The following KIF26B variants were observed in gnomAD, a reference collection of about 807,000 sequenced individuals.
KIF26B encodes kinesin family member 26B, also known as kinesin-like protein KIF26B.
A neutral mutation model predicts 151.2 loss-of-function variants in KIF26B; 63 were observed. The ratio of observed to expected loss-of-function variants is 0.42; its 90% CI spans 0.34 to 0.51. The LOEUF (loss-of-function observed/expected upper bound fraction) is 0.51. Ranked by LOEUF, KIF26B falls within the 20% of genes least tolerant of loss-of-function variation. KIF26B has a pLI of 0.07. For synonymous variants in KIF26B, 1,357 were observed against 1,262.1 expected (o/e 1.08, Z -1.59); for missense variants, 2,813 against 2,913.6 (o/e 0.97, Z 0.79).
chr1:245,595,938 G>A (rs1454501187), intron 5 of KIF26B, among the ~76,000 whole-genome samples: 1 of 152,190 alleles, frequency 6.6e-6, no homozygotes, highest in Non-Finnish European at 1.5e-5. Flanking sequence ...AGATTTTGTA[G>A]TTTATTTGCA....
At chr1:245,590,843 G>C (rs1250622149) in intron 5 of KIF26B, among the ~76,000 whole-genome samples, 2 of 151,326 alleles carry the variant, frequency 1.3e-5, no homozygotes, top group South Asian at 2.1e-4. Flanking sequence ...GGGAGGCAGC[G>C]GTTGCAGTGA....
At chr1:245,596,355 T>C (rs2043336126) in intron 5 of KIF26B, among the ~76,000 whole-genome samples, 1 of 152,244 alleles carries the variant, frequency 6.6e-6, no homozygotes, top group African/African-American at 2.4e-5. Context: ...TCTGGTATGT[T>C]GTGTCTTTGT....
intron 2 of KIF26B, among the ~76,000 whole-genome samples, chr1:245,289,111 C>T (rs749177918): frequency 6.1e-4 from 93 of 152,228 alleles, no homozygotes; most frequent in Non-Finnish European, 1.1e-3. Flanking sequence ...CAGTAGGTAT[C>T]TCAGTAACAA....
rs1360752308 is a variant in KIF26B at position 245,667,802 on chromosome 1, C to T, written c.2259-16431C>T. Among the ~76,000 whole-genome samples, 1 of 152,198 alleles carries T rather than the reference C, an allele frequency of 6.6e-6. No homozygotes were observed. Among genetic ancestry groups the T allele is most frequent in the African/African-American group, 2.4e-5 (1 of 41,442 alleles). ...GCTCTGAGATGTTTTGAAGCTAAAA[C>T]AGACAAACAAAAGGGACCAAAGAGG... On this transcript the variant is annotated intron_variant, in intron 10 of 14. Transcript: ENST00000407071. This position sits in a 1 kb window ranked among gnomAD's most constrained non-coding sequence, Gnocchi z 4.3.
chr1:245,495,667 T>C lies in KIF26B; in HGVS notation c.1167-45100T>C, dbSNP rs989004130. 1.3e-5 allele frequency among the ~76,000 whole-genome samples: 2 copies of C among 152,184 alleles called. No individual in the cohort carries two copies. The highest frequency in any genetic ancestry group is 4.8e-5 in the African/African-American group (2 of 41,448). ...TCCCCATCCACCTCTCCTTCCTACC[T>C]TTCTCAGCCTCTAACACCTAAAATT... On this transcript the variant is annotated intron_variant, in intron 4 of 14. Transcript: ENST00000407071. The surrounding 1 kb of genome is among the most constrained non-coding windows in gnomAD (Gnocchi z 4.2).
intron 4 of KIF26B, among the ~76,000 whole-genome samples, chr1:245,496,245 C>A (rs545677238): frequency 1.3e-5 from 2 of 152,138 alleles, no homozygotes; most frequent in South Asian, 2.1e-4. Context: ...TTTTCACATG[C>A]AGAAATGTGG....
At chr1:245,664,922 A>G (rs1211645845) in intron 10 of KIF26B, among the ~76,000 whole-genome samples, 1 of 152,220 alleles carries the variant, frequency 6.6e-6, no homozygotes, top group African/African-American at 2.4e-5. Flanking sequence ...ACATCAAACC[A>G]TCTGTTTTTG....
chr1:245,576,722 T>C (rs2043121996), intron 5 of KIF26B, among the ~76,000 whole-genome samples: 1 of 152,192 alleles, frequency 6.6e-6, no homozygotes, highest in Admixed American at 6.5e-5. Flanking sequence ...TAAAAACCCA[T>C]TTCCACACGA....
intron 4 of KIF26B, among the ~76,000 whole-genome samples, chr1:245,531,476 C>T (rs1342514627): frequency 1.3e-5 from 2 of 151,712 alleles, no homozygotes; most frequent in African/African-American, 2.4e-5. Context: ...CCTCCCAGGG[C>T]CAGGTTAAGG....
chr1:245,700,606 C>T (rs1455375018), intron 14 of KIF26B, among the ~76,000 whole-genome samples: 2 of 152,132 alleles, frequency 1.3e-5, no homozygotes, highest in Non-Finnish European at 2.9e-5. Flanking sequence ...GCTGAGGTTG[C>T]AGTGAGCCAG....
At chr1:245,397,661 T>C (rs781654928) in intron 3 of KIF26B, among the ~76,000 whole-genome samples, 2 of 152,184 alleles carry the variant, frequency 1.3e-5, no homozygotes, top group African/African-American at 2.4e-5. Context: ...TTTTTAAAAT[T>C]GTGTAGTAAG....
At chr1:245,688,845 G>T in intron 12 of KIF26B, 38 bp downstream of exon 12, 1 of 1,526,786 alleles carries the variant, frequency 6.5e-7, no homozygotes, top group Non-Finnish European at 8.8e-7. Context: ...TGAGGAGGGC[G>T]GCAGGTGGGC....
At chr1:245,332,800 CT>C (rs1483284879) in intron 2 of KIF26B, among the ~76,000 whole-genome samples, 1 of 152,182 alleles carries the variant, frequency 6.6e-6, no homozygotes, top group Non-Finnish European at 1.5e-5. Flanking sequence ...GTATCTGTGG[CT>C]TTTATGTCAT....
At chr1:245,404,209 AT>A (rs11455837) in intron 3 of KIF26B, among the ~76,000 whole-genome samples, 25,388 of 147,706 alleles carry the variant, frequency 0.17, 3,570 homozygotes, top group African/African-American at 0.39. Context: ...AACAAGACTG[AT>A]TTTTTTTTTT....
intron 2 of KIF26B, among the ~76,000 whole-genome samples, chr1:245,177,945 G>GT (rs1383527641): frequency 3.3e-5 from 5 of 152,276 alleles, no homozygotes; most frequent in Admixed American, 6.5e-5. Flanking sequence ...TGAAGATTTG[G>GT]TGTGGGTTTA....
chr1:245,399,044 T>C (rs540748446), intron 3 of KIF26B, among the ~76,000 whole-genome samples: 228 of 152,322 alleles, frequency 1.5e-3, no homozygotes, highest in African/African-American at 5.1e-3. Context: ...AGTACCCTTA[T>C]GGAATCTATC....
At chr1:245,464,784 G>T (rs1659741718) in intron 4 of KIF26B, among the ~76,000 whole-genome samples, 1 of 152,068 alleles carries the variant, frequency 6.6e-6, no homozygotes, top group South Asian at 2.1e-4. Context: ...AAGTTGTGTC[G>T]TGGAGGGACA....
chr1:245,197,145 T>C (rs896078951), intron 2 of KIF26B, among the ~76,000 whole-genome samples: 2 of 152,214 alleles, frequency 1.3e-5, no homozygotes, highest in Admixed American at 6.5e-5. Context: ...AAATATTTGG[T>C]GATTGAATAA....
intron 3 of KIF26B, among the ~76,000 whole-genome samples, chr1:245,402,221 T>C (rs531288702): frequency 3.2e-4 from 49 of 152,350 alleles, no homozygotes; most frequent in African/African-American, 1.2e-3. Flanking sequence ...CTTACTGTAT[T>C]TCAGCTGGAG....
Sources: allele counts gnomAD v4.1 joint callset (sites outside exome capture counted in the v4.1 genomes callset), GRCh38; gene constraint gnomAD v4.1.1; non-coding constraint Gnocchi (gnomAD v3.1); transcripts MANE v1.5; gene names NCBI Gene and HGNC (gene_info 2026-07-23, HGNC 2026-07-21).